ASL: variants seen among roughly 807,000 people sequenced by gnomAD.
The protein encoded by ASL is argininosuccinase.
Under a neutral mutation model 69.1 loss-of-function variants are expected in ASL, and 51 were observed. The ratio of observed to expected loss-of-function variants is 0.74; its 90% CI spans 0.59 to 0.93. ASL has a LOEUF of 0.93. Ranked by LOEUF, ASL falls within the 40% of genes least tolerant of loss-of-function variation. The probability of loss-of-function intolerance (pLI) is 0.00; values close to 1 mark genes in which losing one functional copy is unlikely to be tolerated. For missense variants in ASL, 540 were observed against 623.9 expected (o/e 0.87, Z 1.43); for synonymous variants, 241 against 247.6 (o/e 0.97, Z 0.25).
chr7:66,092,113 G>A lies in ASL; in HGVS notation c.1143+27G>A, dbSNP rs369434392. 3.7e-6 allele frequency: 6 copies of A among 1,606,250 alleles called. No individual in the cohort carries two copies. In the African/African-American group the frequency reaches 6.7e-5, roughly 18 times the overall value. On this transcript the variant is annotated intron_variant, in intron 15 of 16. Coordinates refer to ENST00000304874, the MANE Select transcript of ASL (RefSeq NM_000048.4). ...TAAGTGTGTAGCAGCCAGGGGGAGG[G>A]TGAGGAGATGGGGTGCCCCCCCCAG...
At chr7:66,080,103 C>G (rs377223772) in intron 2 of ASL, among the ~76,000 whole-genome samples, 1 of 151,848 alleles carries the variant, frequency 6.6e-6, no homozygotes, top group East Asian at 1.9e-4. Flanking sequence ...AATTTAAAGG[C>G]CGGGTGTGGT....
At chr7:66,076,825 T>C (rs1786360518) in intron 2 of ASL, among the ~76,000 whole-genome samples, 1 of 152,204 alleles carries the variant, frequency 6.6e-6, no homozygotes, top group African/African-American at 2.4e-5. Flanking sequence ...TGAGAGGGGC[T>C]GTTCGCCTGA....
intron 2 of ASL, among the ~76,000 whole-genome samples, 167 bp downstream of exon 2, chr7:66,076,260 C>G (rs1217327153): frequency 6.6e-6 from 1 of 152,202 alleles, no homozygotes; most frequent in Non-Finnish European, 1.5e-5. Flanking sequence ...CATCTGGAGC[C>G]CAGCAGTCAC....
At chr7:66,090,923 C>G (rs1461703764) in intron 14 of ASL, among the ~76,000 whole-genome samples, 1 of 151,926 alleles carries the variant, frequency 6.6e-6, no homozygotes, top group Non-Finnish European at 1.5e-5. Flanking sequence ...CATGGCGAAA[C>G]CCCGTCTTTA....
intron 2 of ASL, among the ~76,000 whole-genome samples, chr7:66,080,520 C>G (rs973319822): frequency 5.9e-5 from 9 of 151,456 alleles, no homozygotes; most frequent in Non-Finnish European, 1.5e-5. Flanking sequence ...ATCAGGAGTT[C>G]GAGACCAGCC....
Position 66,086,728 on chromosome 7 carries a change from C to A in ASL, c.525-16C>A. ...ACCCCGGCTGCCCTGACCCTCCTGC[C>A]CCTGGCTTCCCACAGCCACGCCGTG... On this transcript the variant is annotated splice_polypyrimidine_tract_variant and intron_variant, in intron 7 of 16. Coordinates refer to ENST00000304874, the MANE Select transcript of ASL (RefSeq NM_000048.4). 1 of 1,609,306 alleles carries A rather than the reference C, an allele frequency of 6.2e-7. No homozygotes were observed. Among genetic ancestry groups the A allele is most frequent in the Non-Finnish European group, 8.5e-7 (1 of 1,178,432 alleles).
chr7:66,086,969 A>T, intron 8 of ASL, 148 bp downstream of exon 8: 1 of 1,000,560 alleles, frequency 1.0e-6, no homozygotes, highest in Non-Finnish European at 1.5e-6. Flanking sequence ...AGCTCTCGCT[A>T]AGGTGACGAC....
chr7:66,080,717 C>CT (rs1453225257), intron 2 of ASL, among the ~76,000 whole-genome samples: 4 of 152,198 alleles, frequency 2.6e-5, no homozygotes, highest in Non-Finnish European at 5.9e-5. Context: ...GAGTGAGACT[C>CT]TATCTCAAAG....
intron 15 of ASL, 141 bp from the exon 16 acceptor site, chr7:66,092,416 A>T: frequency 1.2e-6 from 1 of 813,026 alleles, no homozygotes; most frequent in Non-Finnish European, 2.0e-6. Flanking sequence ...AGATCGCGCC[A>T]CTGCACTCCA....
rs184589976 is a variant in ASL, at chr7:66,090,102, A to G, written c.1062+407A>G. Among the ~76,000 whole-genome samples the G allele has an allele frequency of 5.5e-4, 84 of 152,134 alleles. 3 individuals are homozygous for G. In the East Asian group the frequency reaches 7.2e-3, roughly 13 times the overall value. On this transcript the variant is annotated intron_variant, in intron 14 of 16. Coordinates refer to ENST00000304874, the MANE Select transcript of ASL (RefSeq NM_000048.4). ...AAAATACAAAAATTAGCCAGGCGTGATGGCCCACACCTGTAATCCCAGCTA... is the reference window on the plus strand; with the variant it reads ...AAAATACAAAAATTAGCCAGGCGTGGTGGCCCACACCTGTAATCCCAGCTA...
chr7:66,089,228 G>C (rs1303845044), intron 12 of ASL, 48 bp from the exon 13 acceptor site: 6 of 1,611,728 alleles, frequency 3.7e-6, no homozygotes, highest in Middle Eastern at 1.7e-4. Flanking sequence ...TGGGTGGCCA[G>C]GGGGGCAGGA....
At position 66,081,854 on chromosome 7, in the gene ASL, G is replaced by C; in HGVS notation, c.64G>C (p.Glu22Gln). Residue 22 changes from glutamate to glutamine, a missense_variant, in exon 3 of 17, where the codon GAG (glutamate) becomes CAG (glutamine). Coordinates refer to ENST00000304874, the MANE Select transcript of ASL (RefSeq NM_000048.4). ...RFVGAVDPIM[E>Q]KFNASIAYDR... Reference sequence around the variant, plus strand: ...TGTGGGTGCAGTGGACCCCATCATGGAGAAGTTCAACGCGTCCATTGCCTA... The same window carrying C: ...TGTGGGTGCAGTGGACCCCATCATGCAGAAGTTCAACGCGTCCATTGCCTA... 6.2e-7 allele frequency: 1 copy of C among 1,614,064 alleles called. No individual in the cohort carries two copies. Among genetic ancestry groups the C allele is most frequent in the Non-Finnish European group, 8.5e-7 (1 of 1,180,040 alleles).
In ASL at chr7:66,083,192, A is replaced by G; in HGVS notation, c.446+18A>G. ...GCAGAGGCGTGAGTCCTACAGGGACACCCAGGGGGCAGACAGAGGTGTGAT... is the reference window on the plus strand; with the variant it reads ...GCAGAGGCGTGAGTCCTACAGGGACGCCCAGGGGGCAGACAGAGGTGTGAT... On this transcript the variant is annotated intron_variant, in intron 6 of 16. Coordinates refer to ENST00000304874, the MANE Select transcript of ASL (RefSeq NM_000048.4). The G allele has an allele frequency of 6.2e-7, 1 of 1,610,148 alleles. No individual in the cohort carries two copies. Among genetic ancestry groups the G allele is most frequent in the Non-Finnish European group, 8.5e-7 (1 of 1,178,846 alleles).
At chr7:66,085,738 A>T (rs1429877858) in intron 6 of ASL, among the ~76,000 whole-genome samples, 1 of 151,742 alleles carries the variant, frequency 6.6e-6, no homozygotes, top group Admixed American at 6.6e-5. Context: ...CCTCCTGAGT[A>T]GCTGGAACTA....
Position 66,092,620 on chromosome 7 carries a change from G to A in ASL, c.1207G>A (p.Val403Ile). Residue 403 changes from valine (V) to isoleucine (I), a missense_variant, in exon 16 of 17, where the codon GTC becomes ATC. Val to Ile is a conservative substitution (Grantham distance 29). Coordinates refer to ENST00000304874, the MANE Select transcript of ASL (RefSeq NM_000048.4). The part of the protein sequence containing the change: ...KAVFMAETKG[V>I]ALNQLSLQEL... ...TGTGTTCATGGCCGAGACCAAGGGG[G>A]TCGCCCTCAACCAGCTGTCACTGCA... 1.2e-6 allele frequency: 2 copies of A among 1,613,328 alleles called. No homozygotes were observed. The highest frequency in any genetic ancestry group is 1.7e-4 in the Middle Eastern group (1 of 6,056).
At position 66,092,767 on chromosome 7, in the gene ASL, G is replaced by C; in HGVS notation, c.1251-1G>C. 6.2e-7 allele frequency: 1 copy of C among 1,613,818 alleles called. No homozygotes were observed. The highest frequency in any genetic ancestry group is 8.5e-7 in the Non-Finnish European group (1 of 1,179,970). On this transcript the variant is annotated splice_acceptor_variant, in intron 16 of 16. Transcript: ENST00000304874. LOFTEE classifies it high-confidence loss of function. ...TGGCCCACCTCTTCCTCTCTCCCCA[G>C]CCCCCTGTTCTCGGGCGACGTGATC...
intron 2 of ASL, among the ~76,000 whole-genome samples, 160 bp from the exon 3 acceptor site, chr7:66,081,643 G>A (rs145266089): frequency 6.6e-6 from 1 of 152,178 alleles, no homozygotes; most frequent in African/African-American, 2.4e-5. Flanking sequence ...CACTCCCAGG[G>A]TGGTGACTCT....
Position 66,081,843 on chromosome 7 carries a change from A to G in ASL, c.53A>G (p.Asp18Gly). 1 of 1,613,878 alleles carries G rather than the reference A, an allele frequency of 6.2e-7. No individual in the cohort carries two copies. The highest frequency in any genetic ancestry group is 8.5e-7 in the Non-Finnish European group (1 of 1,179,996). The change falls in exon 3 of 17, where the codon GAC becomes GGC. Residue 18 changes from aspartate to glycine, a missense_variant. By Grantham distance (94) the Asp-to-Gly change is moderately conservative. Coordinates refer to ENST00000304874, the MANE Select transcript of ASL (RefSeq NM_000048.4). Reference protein sequence around the residue: ...LWGGRFVGAVDPIMEKFNASI... With the variant: ...LWGGRFVGAVGPIMEKFNASI... ...GGTGGCCGGTTTGTGGGTGCAGTGG[A>G]CCCCATCATGGAGAAGTTCAACGCG...
chr7:66,089,781 A>G, intron 14 of ASL, 86 bp downstream of exon 14: 4 of 1,457,620 alleles, frequency 2.7e-6, no homozygotes, highest in Admixed American at 1.9e-5. Flanking sequence ...GGAGGAGGTG[A>G]GGTGGGGCTG....
Sources: allele counts gnomAD v4.1 joint callset (sites outside exome capture counted in the v4.1 genomes callset), GRCh38; gene constraint gnomAD v4.1.1; transcripts MANE v1.5; gene names NCBI Gene and HGNC (gene_info 2026-07-23, HGNC 2026-07-21).